Variants in CNTNAP5 observed in about 807,000 individuals in gnomAD.
CNTNAP5 encodes contactin-associated protein-like 5.
CNTNAP5 carries 72 observed loss-of-function variants against 150.2 expected under a neutral mutation model. The ratio of observed to expected loss-of-function variants is 0.48; its 90% CI spans 0.40 to 0.58. The LOEUF is 0.58. CNTNAP5 is among the 20% of genes least tolerant of loss of function. The pLI is 0.00. For synonymous variants in CNTNAP5, 672 were observed against 619.8 expected (o/e 1.08, Z -1.25); for missense variants, 1,636 against 1,626.2 (o/e 1.01, Z -0.10).
intron 3 of CNTNAP5, among the ~76,000 whole-genome samples, chr2:124,278,506 C>G (rs956256522): frequency 6.6e-6 from 1 of 152,108 alleles, no homozygotes; most frequent in Non-Finnish European, 1.5e-5. Context: ...CAAAACAAAG[C>G]CCTAGACAGT....
chr2:124,116,889 A>G, intron 1 of CNTNAP5, among the ~76,000 whole-genome samples: 1 of 152,206 alleles, frequency 6.6e-6, no homozygotes, highest in East Asian at 1.9e-4. Context: ...ACTGCCAGTG[A>G]GCTAGAATCC....
At position 124,487,368 on chromosome 2, in the gene CNTNAP5, G is replaced by A. The variant is rs140404720; in HGVS notation, c.1062+12486G>A. 7.9e-3 allele frequency among the ~76,000 whole-genome samples: 1,205 copies of A among 152,242 alleles called. 19 individuals carry two copies. The highest frequency in any genetic ancestry group is 0.027 in the African/African-American group (1,120 of 41,544). On this transcript the variant is annotated intron_variant, in intron 7 of 23. Coordinates refer to ENST00000682447, the MANE Select transcript of CNTNAP5 (RefSeq NM_001367498.1). ...GAAGAACAAAGCTAAATGAACATAC[G>A]TAGCCTTCATAAGCCGCATTTGATG...
intron 19 of CNTNAP5, among the ~76,000 whole-genome samples, chr2:124,857,332 C>T (rs148771763): frequency 2.0e-5 from 3 of 152,144 alleles, no homozygotes; most frequent in Non-Finnish European, 2.9e-5. Context: ...AGAGATGGAA[C>T]CCTAAACACA....
chr2:124,817,463 A>G (rs889582309), intron 19 of CNTNAP5, among the ~76,000 whole-genome samples: 22 of 152,204 alleles, frequency 1.4e-4, no homozygotes, highest in African/African-American at 4.8e-4. Context: ...GAGTTAACTT[A>G]GAATAGATGC....
At chr2:124,207,881 G>A (rs1170629) in intron 1 of CNTNAP5, among the ~76,000 whole-genome samples, 21,108 of 152,132 alleles carry the variant, frequency 0.14, 2,069 homozygotes, top group East Asian at 0.35. Context: ...AAACTTTATC[G>A]ATGCTTTTAA....
At chr2:124,908,709 C>G (rs1678591759) in intron 22 of CNTNAP5, among the ~76,000 whole-genome samples, 1 of 152,090 alleles carries the variant, frequency 6.6e-6, no homozygotes, top group Admixed American at 6.5e-5. Context: ...GTACCTCTTG[C>G]ATATTGTTGG....
chr2:124,706,840 GAGGA>G (rs748414358), intron 13 of CNTNAP5, among the ~76,000 whole-genome samples: 457 of 6,938 alleles, frequency 0.066, 69 homozygotes, highest in African/African-American at 0.11. Flanking sequence ...GGAGGAGGGG[GAGGA>G]AGGAGGAGGA....
chr2:124,156,166 C>T (rs754563649), intron 1 of CNTNAP5, among the ~76,000 whole-genome samples: 4 of 152,222 alleles, frequency 2.6e-5, no homozygotes, highest in Admixed American at 1.3e-4. Context: ...AGCTCATGGT[C>T]GACTCTGAAA....
chr2:124,548,880 A>C (rs60998499), intron 10 of CNTNAP5, among the ~76,000 whole-genome samples: 1 of 152,206 alleles, frequency 6.6e-6, no homozygotes, highest in South Asian at 2.1e-4. Context: ...TAGAAACTGG[A>C]GGAACTGGAA....
In CNTNAP5 at chr2:124,915,759, TG is replaced by T. The variant is rs1678753882; in HGVS notation, c.*1475del. On this transcript the variant is annotated 3_prime_UTR_variant, in exon 24 of 24. Transcript: ENST00000682447. The stretch of plus-strand genomic sequence containing the variant: ...CAAGAAGGCACCTTGAGCTCATCCA[TG>T]GGGTGGCGGTAAAGATCTTAATGAT... 6.6e-6 allele frequency among the ~76,000 whole-genome samples: 1 copy of T among 151,992 alleles called. No individual in the cohort carries two copies. Among genetic ancestry groups the T allele is most frequent in the Non-Finnish European group, 1.5e-5 (1 of 67,974 alleles).
chr2:124,035,910 C>CTTTTTTTTTTTTTTTTTT (rs759598012), intron 1 of CNTNAP5, among the ~76,000 whole-genome samples: 1 of 76,528 alleles, frequency 1.3e-5, no homozygotes, highest in Non-Finnish European at 2.2e-5. Context: ...AGGATGAACT[C>CTTTTTTTTTTTTTTTTTT]TTTTTTTTTT....
At chr2:124,068,584 T>G (rs574950235) in intron 1 of CNTNAP5, among the ~76,000 whole-genome samples, 1 of 152,120 alleles carries the variant, frequency 6.6e-6, no homozygotes, top group African/African-American at 2.4e-5. Context: ...TTAGAGCCAA[T>G]GGACTGGGGT....
intron 5 of CNTNAP5, among the ~76,000 whole-genome samples, chr2:124,445,666 A>G (rs1692794831): frequency 6.6e-6 from 1 of 152,148 alleles, no homozygotes; most frequent in African/African-American, 2.4e-5. Flanking sequence ...GCCTTCGGGG[A>G]AGTGGCAGCT....
chr2:124,415,908 A>C (rs1330803702), intron 3 of CNTNAP5, among the ~76,000 whole-genome samples: 3 of 152,154 alleles, frequency 2.0e-5, no homozygotes, highest in Non-Finnish European at 4.4e-5. Context: ...ATCTTCAGCA[A>C]AAAAAACCCC....
At chr2:124,475,541 A>G (rs961653622) in intron 7 of CNTNAP5, among the ~76,000 whole-genome samples, 3 of 151,976 alleles carry the variant, frequency 2.0e-5, no homozygotes, top group Non-Finnish European at 4.4e-5. Context: ...CTCCAGTTCT[A>G]TCCATTTTTG....
intron 4 of CNTNAP5, among the ~76,000 whole-genome samples, chr2:124,419,138 CTCAAAAAAAAA>C (rs1692008776): frequency 1.8e-3 from 1 of 564 alleles, no homozygotes; most frequent in African/African-American, 2.0e-3. Context: ...GAGACTCCTT[CTCAAAAAAAAA>C]AAAAAAAAAA....
At position 124,918,423 on chromosome 2, in the gene CNTNAP5, G is replaced by A. The variant is rs1678810246; in HGVS notation, c.*4135G>A. ...CATTTATGTGAGGTCTCACCTCTGA[G>A]CCTGAGTGAGTGTTTCCTGTCTTGA... On this transcript the variant is annotated 3_prime_UTR_variant, in exon 24 of 24. Coordinates refer to ENST00000682447, the MANE Select transcript of CNTNAP5 (RefSeq NM_001367498.1). Among the ~76,000 whole-genome samples, 1 of 152,054 alleles carries A rather than the reference G, an allele frequency of 6.6e-6. No individual in the cohort carries two copies. Among genetic ancestry groups the A allele is most frequent in the Non-Finnish European group, 1.5e-5 (1 of 67,986 alleles).
chr2:124,817,377 G>C (rs186547355), intron 19 of CNTNAP5, among the ~76,000 whole-genome samples: 1 of 151,658 alleles, frequency 6.6e-6, no homozygotes, highest in Non-Finnish European at 1.5e-5. Context: ...CACTTTTATA[G>C]ACATAAGTAC....
intron 10 of CNTNAP5, among the ~76,000 whole-genome samples, chr2:124,557,004 C>G (rs967860311): frequency 1.3e-5 from 2 of 151,354 alleles, no homozygotes; most frequent in Admixed American, 1.3e-4. Flanking sequence ...CTCCTGCCTT[C>G]CCCCCCGCTC....
Sources: gnomAD v4.1 joint callset for allele counts (sites outside exome capture counted in the v4.1 genomes callset) on GRCh38, gnomAD v4.1.1 for gene constraint, MANE v1.5 for transcripts, NCBI Gene and HGNC (gene_info 2026-07-23, HGNC 2026-07-21) for gene names.